The following ABTB3 variants were observed in gnomAD, a reference collection of about 807,000 sequenced individuals.
ABTB3 encodes ankyrin repeat and BTB domain containing 3.
chr12:107,548,470 AC>A, the ABTB3 span, among the ~76,000 whole-genome samples: 1 of 152,174 alleles, frequency 6.6e-6, no homozygotes, highest in African/African-American at 2.4e-5. Flanking sequence ...GCACCATTTT[AC>A]CATTTCATGT....
At chr12:107,647,844 A>C in the ABTB3 span, among the ~76,000 whole-genome samples, 1 of 152,234 alleles carries the variant, frequency 6.6e-6, no homozygotes, top group African/African-American at 2.4e-5. Flanking sequence ...AACTTAATTC[A>C]GGTCCCCCAG....
chr12:107,648,150 G>A, the ABTB3 span, among the ~76,000 whole-genome samples: 2 of 152,134 alleles, frequency 1.3e-5, no homozygotes, highest in Non-Finnish European at 2.9e-5. Context: ...GGAGGCCGAG[G>A]TGGACAGATT....
the ABTB3 span, among the ~76,000 whole-genome samples, chr12:107,608,416 T>A: frequency 2.0e-5 from 3 of 152,196 alleles, no homozygotes; most frequent in African/African-American, 7.2e-5. Context: ...TCACAGGTCC[T>A]CTAGGCCCTG....
the ABTB3 span, among the ~76,000 whole-genome samples, chr12:107,562,872 C>A: frequency 2.0e-5 from 3 of 152,170 alleles, no homozygotes; most frequent in African/African-American, 7.2e-5. Context: ...GTTCCCAAAG[C>A]CTTTTGGCCA....
chr12:107,329,935 GGAGA>G, the ABTB3 span, among the ~76,000 whole-genome samples: 3 of 152,186 alleles, frequency 2.0e-5, no homozygotes, highest in Non-Finnish European at 4.4e-5. Context: ...GTGCAACAAA[GGAGA>G]GACATACAGG....
chr12:107,458,533 G>A, the ABTB3 span, among the ~76,000 whole-genome samples: 1 of 152,110 alleles, frequency 6.6e-6, no homozygotes, highest in South Asian at 2.1e-4. Flanking sequence ...GGGGCCAATG[G>A]GGACCACCAA....
chr12:107,539,606 A>G, the ABTB3 span, among the ~76,000 whole-genome samples: 2 of 152,226 alleles, frequency 1.3e-5, no homozygotes, highest in Non-Finnish European at 2.9e-5. Context: ...CTCAGCGTTC[A>G]GAATGCTGGC....
the ABTB3 span, among the ~76,000 whole-genome samples, chr12:107,530,472 G>A: frequency 3.3e-5 from 5 of 152,310 alleles, no homozygotes; most frequent in East Asian, 7.7e-4. Context: ...CAGAAAACTT[G>A]GACAGAATGT....
the ABTB3 span, among the ~76,000 whole-genome samples, chr12:107,521,303 GTA>G: frequency 6.9e-6 from 1 of 144,694 alleles, no homozygotes; most frequent in African/African-American, 2.6e-5. Context: ...GTGTGTGTGT[GTA>G]TAAGGTTACC....
chr12:107,552,307 A>G, the ABTB3 span, among the ~76,000 whole-genome samples: 1 of 152,202 alleles, frequency 6.6e-6, no homozygotes, highest in Non-Finnish European at 1.5e-5. Context: ...AATTTTTTTC[A>G]TAATCTTCAT....
At chr12:107,459,045 T>TA in the ABTB3 span, among the ~76,000 whole-genome samples, 4 of 152,114 alleles carry the variant, frequency 2.6e-5, no homozygotes, top group African/African-American at 9.7e-5. Flanking sequence ...CTGCAAATAA[T>TA]AAAAAACAAT....
chr12:107,528,322 G>A, the ABTB3 span, among the ~76,000 whole-genome samples: 18,426 of 152,176 alleles, frequency 0.12, 1,259 homozygotes, highest in African/African-American at 0.18. Flanking sequence ...AGGACAATAT[G>A]AGTTTTCCAT....
the ABTB3 span, among the ~76,000 whole-genome samples, chr12:107,420,756 G>A: frequency 6.6e-6 from 1 of 152,146 alleles, no homozygotes; most frequent in Non-Finnish European, 1.5e-5. Flanking sequence ...TGGGACTCAG[G>A]CAGTTTACTC....
the ABTB3 span, among the ~76,000 whole-genome samples, chr12:107,504,250 A>T: frequency 6.6e-6 from 1 of 152,162 alleles, no homozygotes; most frequent in East Asian, 1.9e-4. Context: ...TTAGTTCTTT[A>T]TATCAGTGTG....
the ABTB3 span, among the ~76,000 whole-genome samples, chr12:107,577,460 T>C: frequency 6.6e-6 from 1 of 152,076 alleles, no homozygotes; most frequent in Non-Finnish European, 1.5e-5. Context: ...CCATCCTGGG[T>C]GGTCAGCCTC....
the ABTB3 span, among the ~76,000 whole-genome samples, chr12:107,488,907 A>G: frequency 6.6e-6 from 1 of 152,094 alleles, no homozygotes; most frequent in Admixed American, 6.5e-5. Context: ...ATTTACAGGA[A>G]TTGAAGAAAC....
the ABTB3 span, among the ~76,000 whole-genome samples, chr12:107,389,567 G>A: frequency 6.6e-6 from 1 of 152,152 alleles, no homozygotes; most frequent in Non-Finnish European, 1.5e-5. Flanking sequence ...CAACACTCCT[G>A]TCCAGAGTGA....
the ABTB3 span, among the ~76,000 whole-genome samples, chr12:107,428,817 C>T: frequency 6.6e-6 from 1 of 152,256 alleles, no homozygotes; most frequent in Non-Finnish European, 1.5e-5. Flanking sequence ...CTGCTCGGTG[C>T]CAGGCACCGT....
At chr12:107,474,694 A>G in the ABTB3 span, among the ~76,000 whole-genome samples, 3 of 152,204 alleles carry the variant, frequency 2.0e-5, no homozygotes, top group African/African-American at 7.2e-5. Context: ...CATACATGGA[A>G]TGAGAGAGAA....
Sources: gnomAD v4.1 joint callset for allele counts (sites outside exome capture counted in the v4.1 genomes callset) on GRCh38, gnomAD v4.1.1 for gene constraint, MANE v1.5 for transcripts, NCBI Gene and HGNC (gene_info 2026-07-23, HGNC 2026-07-21) for gene names.